Variants in MAPK10 observed in about 807,000 individuals in gnomAD.
MAPK10 encodes the protein JNK3 alpha protein kinase.
In MAPK10, 25 loss-of-function variants were observed where a neutral mutation model predicts 59.3. The ratio of observed to expected loss-of-function variants is 0.42; its 90% CI spans 0.31 to 0.59. MAPK10 has a LOEUF of 0.59. Among genes scored for constraint, MAPK10 ranks in the 20% least tolerant of loss-of-function variants. The pLI is 0.15. For missense variants in MAPK10, 351 were observed against 568.9 expected, an observed-to-expected ratio of 0.62 and a Z score of 3.90; for synonymous variants, 190 against 200.5, an observed-to-expected ratio of 0.95 and a Z score of 0.44.
intron 2 of MAPK10, among the ~76,000 whole-genome samples, chr4:86,347,027 G>A (rs1205549628): frequency 6.6e-6 from 1 of 152,078 alleles, no homozygotes; most frequent in Non-Finnish European, 1.5e-5. Flanking sequence ...TCTGAAAGCA[G>A]TACTATCAAG....
chr4:86,255,370 C>G (rs1215591511), intron 2 of MAPK10, among the ~76,000 whole-genome samples: 1 of 152,196 alleles, frequency 6.6e-6, no homozygotes, highest in African/African-American at 2.4e-5. Flanking sequence ...GGTGACATCT[C>G]TCTCTCTGAC....
At chr4:86,397,082 C>G (rs1241042548) in intron 1 of MAPK10, among the ~76,000 whole-genome samples, 1 of 151,380 alleles carries the variant, frequency 6.6e-6, no homozygotes, top group Non-Finnish European at 1.5e-5. Context: ...AGAGCATGAA[C>G]AGAATGAGGT....
chr4:86,579,087 T>A (rs1227010017), intron 1 of MAPK10, among the ~76,000 whole-genome samples: 1 of 152,166 alleles, frequency 6.6e-6, no homozygotes, highest in East Asian at 1.9e-4. Context: ...CCCAATATTT[T>A]CTGCCAGTGA....
At chr4:86,067,649 C>A in intron 10 of MAPK10, 124 bp downstream of exon 10, 1 of 800,808 alleles carries the variant, frequency 1.2e-6, no homozygotes, top group South Asian at 2.7e-5. Context: ...CAAAAATGTA[C>A]GATTATCATG....
chr4:86,287,059 A>G (rs1195508901), intron 2 of MAPK10, among the ~76,000 whole-genome samples: 1 of 152,230 alleles, frequency 6.6e-6, no homozygotes, highest in Non-Finnish European at 1.5e-5. Flanking sequence ...CAGTTCAATG[A>G]GGAAAACAGA....
chr4:86,408,916 T>C (rs1341589192), intron 1 of MAPK10, among the ~76,000 whole-genome samples: 2 of 152,216 alleles, frequency 1.3e-5, no homozygotes, highest in Non-Finnish European at 2.9e-5. Context: ...TTAGATCCCA[T>C]TTGTCAATTT....
chr4:86,273,560 G>A (rs528806528), intron 2 of MAPK10, among the ~76,000 whole-genome samples: 11 of 151,692 alleles, frequency 7.3e-5, no homozygotes, highest in South Asian at 2.1e-4. Context: ...CTAACTTACC[G>A]TAATACATAA....
intron 1 of MAPK10, among the ~76,000 whole-genome samples, chr4:86,471,275 C>CAA (rs60423060): frequency 9.5e-4 from 92 of 96,780 alleles, no homozygotes; most frequent in African/African-American, 2.2e-3. Context: ...TGCCCCCCTG[C>CAA]AAAAAAAAAA....
At chr4:86,265,370 A>G (rs2094189640) in intron 2 of MAPK10, among the ~76,000 whole-genome samples, 1 of 151,948 alleles carries the variant, frequency 6.6e-6, no homozygotes, top group African/African-American at 2.4e-5. Flanking sequence ...TTAGCCTGGC[A>G]TGGTGGCAGG....
At chr4:86,228,230 G>A (rs1418226186) in intron 2 of MAPK10, among the ~76,000 whole-genome samples, 1 of 152,172 alleles carries the variant, frequency 6.6e-6, no homozygotes, top group Admixed American at 6.5e-5. Flanking sequence ...TAAAGGAAAT[G>A]GTTAGGAGCA....
intron 2 of MAPK10, among the ~76,000 whole-genome samples, chr4:86,349,816 A>T (rs1390273878): frequency 6.6e-6 from 1 of 152,180 alleles, no homozygotes; most frequent in African/African-American, 2.4e-5. Context: ...GCTCCAGGAG[A>T]TGTCCATGCT....
At chr4:86,146,614 T>C (rs2065067858) in intron 4 of MAPK10, among the ~76,000 whole-genome samples, 1 of 152,210 alleles carries the variant, frequency 6.6e-6, no homozygotes, top group Admixed American at 6.5e-5. Context: ...AGTAGCTCCA[T>C]GCTTTTGGCT....
intron 1 of MAPK10, among the ~76,000 whole-genome samples, chr4:86,528,969 G>A (rs984333315): frequency 2.6e-5 from 4 of 152,152 alleles, no homozygotes; most frequent in African/African-American, 7.2e-5. Flanking sequence ...TGGTGGGGTG[G>A]GGGAAGTAGG....
intron 2 of MAPK10, among the ~76,000 whole-genome samples, chr4:86,208,939 AAG>A (rs1338509279): frequency 1.3e-5 from 2 of 152,070 alleles, no homozygotes; most frequent in East Asian, 3.9e-4. Flanking sequence ...ATAGGGAAAT[AAG>A]AAGATTAATA....
intron 1 of MAPK10, among the ~76,000 whole-genome samples, chr4:86,539,250 A>C (rs1758488117): frequency 6.6e-6 from 1 of 152,364 alleles, no homozygotes; most frequent in African/African-American, 2.4e-5. Context: ...CCAGAAAAAA[A>C]AGATAAAGAA....
intron 2 of MAPK10, among the ~76,000 whole-genome samples, chr4:86,204,878 C>G (rs573199883): frequency 4.5e-4 from 69 of 152,092 alleles, no homozygotes; most frequent in African/African-American, 1.6e-3. Flanking sequence ...GATATTGTAG[C>G]ACTCTCAGAT....
In MAPK10 at chr4:86,493,987, AG is replaced by A. The variant is rs368694825; in HGVS notation, c.-263+99922del. On this transcript the variant is annotated intron_variant, in intron 1 of 4. Transcript: ENST00000502302. ...GAAGGAGAGAAATTTCAGGGCAGGG[AG>A]GTTTTCCCTATGCTCCTATACCTTC... Among the ~76,000 whole-genome samples the A allele has an allele frequency of 1.1e-4, 17 of 152,198 alleles. No individual in the cohort carries two copies. In the East Asian group the frequency reaches 1.2e-3, roughly 10 times the overall value.
At chr4:86,542,001 A>C (rs1235112314) in intron 1 of MAPK10, among the ~76,000 whole-genome samples, 3 of 152,070 alleles carry the variant, frequency 2.0e-5, no homozygotes, top group South Asian at 2.1e-4. Context: ...AGGTGGGGAA[A>C]AAGAAAGAAA....
intron 3 of MAPK10, among the ~76,000 whole-genome samples, chr4:86,172,981 T>C (rs2149264125): frequency 6.6e-6 from 1 of 151,968 alleles, no homozygotes; most frequent in South Asian, 2.1e-4. Flanking sequence ...CACAAACAAA[T>C]GGAAAAGTAT....
Sources: allele counts gnomAD v4.1 joint callset (sites outside exome capture counted in the v4.1 genomes callset), GRCh38; gene constraint gnomAD v4.1.1; transcripts MANE v1.5; gene names NCBI Gene and HGNC (gene_info 2026-07-23, HGNC 2026-07-21).